Variants in CNOT2 observed in about 807,000 individuals in gnomAD.
CNOT2 encodes the protein CC chemokine receptor 4-negative regulator of transcription 2.
Under a neutral mutation model 72.1 loss-of-function variants are expected in CNOT2, and 7 were observed. The ratio of observed to expected loss-of-function variants is 0.10; its 90% CI spans 0.06 to 0.18. The LOEUF (loss-of-function observed/expected upper bound fraction) is 0.18, where lower values mean the gene tolerates loss of function less well. CNOT2 is among the 10% of genes least tolerant of loss of function. The pLI is 1.00. For synonymous variants in CNOT2, 196 were observed against 225.6 expected, an observed-to-expected ratio of 0.87 and a Z score of 1.17; for missense variants, 345 against 660.3, an observed-to-expected ratio of 0.52 and a Z score of 5.23.
chr12:70,340,312 G>T (rs935825689), intron 11 of CNOT2, among the ~76,000 whole-genome samples: 1 of 152,052 alleles, frequency 6.6e-6, no homozygotes, highest in African/African-American at 2.4e-5. Context: ...TCACTGGTTG[G>T]TCTTTTTCAG....
At chr12:70,281,837 TTAAA>T (rs1182649722) in intron 2 of CNOT2, among the ~76,000 whole-genome samples, 4 of 152,284 alleles carry the variant, frequency 2.6e-5, no homozygotes, top group African/African-American at 9.6e-5. Context: ...CTCATTTAAA[TTAAA>T]TAAATTTAAA....
At chr12:70,277,701 T>C (rs1869087463) in intron 1 of CNOT2, among the ~76,000 whole-genome samples, 1 of 152,212 alleles carries the variant, frequency 6.6e-6, no homozygotes, top group South Asian at 2.1e-4. Flanking sequence ...AACTTGTATT[T>C]CTATCTATCA....
At chr12:70,324,656 C>G (rs924399000) in intron 4 of CNOT2, among the ~76,000 whole-genome samples, 1 of 151,746 alleles carries the variant, frequency 6.6e-6, no homozygotes, top group African/African-American at 2.4e-5. Flanking sequence ...CTCTAAAGAT[C>G]CAGCCAGATG....
chr12:70,310,975 C>T lies in CNOT2; in HGVS notation c.129C>T (p.Tyr43=), dbSNP rs1213344777. The T allele has an allele frequency of 1.3e-6, 2 of 1,598,884 alleles. No individual in the cohort carries two copies. The highest frequency in any genetic ancestry group is 2.7e-5 in the African/African-American group (2 of 74,570). The change falls in exon 3 of 16, where the codon TAC becomes TAT. Residue 43 remains tyrosine, a synonymous_variant. Transcript: ENST00000229195. ...VDSDYHDENM[Y]YSQSSMFPHR... ...GTGACTACCATGACGAAAACATGTACTACAGCCAGTCTTCTATGTTTCCAC... is the reference window on the plus strand; with the variant it reads ...GTGACTACCATGACGAAAACATGTATTACAGCCAGTCTTCTATGTTTCCAC...
chr12:70,303,347 G>A (rs1874484598), intron 2 of CNOT2, among the ~76,000 whole-genome samples: 1 of 152,148 alleles, frequency 6.6e-6, no homozygotes, highest in Admixed American at 6.5e-5. Context: ...TTTTGCAGTG[G>A]CTGGTACCGG....
intron 1 of CNOT2, among the ~76,000 whole-genome samples, chr12:70,270,175 T>A (rs928216265): frequency 1.3e-5 from 2 of 152,178 alleles, no homozygotes; most frequent in African/African-American, 4.8e-5. Flanking sequence ...TGTTTCAAAA[T>A]CTCTGGTAAA....
intron 15 of CNOT2, among the ~76,000 whole-genome samples, chr12:70,350,177 A>T (rs1401203591): frequency 6.6e-6 from 1 of 152,128 alleles, no homozygotes; most frequent in African/African-American, 2.4e-5. Flanking sequence ...TTAAATTTTT[A>T]AAATAATTTC....
intron 4 of CNOT2, chr12:70,321,978 C>G (rs867895507): frequency 1.3e-5 from 2 of 151,558 alleles, no homozygotes; most frequent in African/African-American, 4.8e-5. Flanking sequence ...ACTTTTCATC[C>G]AATAATTCAC....
At chr12:70,300,935 C>T (rs1282067418) in intron 2 of CNOT2, among the ~76,000 whole-genome samples, 2 of 152,178 alleles carry the variant, frequency 1.3e-5, no homozygotes, top group African/African-American at 4.8e-5. Context: ...AGGTCCTTCA[C>T]ATCCCTTGTA....
intron 2 of CNOT2, among the ~76,000 whole-genome samples, chr12:70,284,768 C>T (rs1209784968): frequency 6.6e-6 from 1 of 152,094 alleles, no homozygotes; most frequent in East Asian, 1.9e-4. Context: ...CATCTGAAAT[C>T]ATCAAATAAG....
At chr12:70,293,969 G>A (rs1872408130) in intron 2 of CNOT2, 3 of 299,362 alleles carry the variant, frequency 1.0e-5, no homozygotes, top group South Asian at 2.4e-5. Context: ...TAGTCTGAAA[G>A]ATGAATCTGG....
At chr12:70,314,504 T>G (rs1876988949) in intron 3 of CNOT2, among the ~76,000 whole-genome samples, 1 of 152,170 alleles carries the variant, frequency 6.6e-6, no homozygotes, top group African/African-American at 2.4e-5. Context: ...TTGAAAACCT[T>G]TAAAATGTAA....
chr12:70,298,290 C>A, intron 2 of CNOT2, among the ~76,000 whole-genome samples: 1 of 152,116 alleles, frequency 6.6e-6, no homozygotes, highest in East Asian at 1.9e-4. Context: ...CTCCTCCAAT[C>A]GGCTTTTTAT....
At chr12:70,340,952 G>A (rs1312861817) in intron 11 of CNOT2, among the ~76,000 whole-genome samples, 1 of 139,986 alleles carries the variant, frequency 7.1e-6, no homozygotes, top group Non-Finnish European at 1.5e-5. Context: ...CTGGAGTGCA[G>A]TGATGCAATC....
intron 5 of CNOT2, 91 bp downstream of exon 5, chr12:70,329,661 A>AT (rs1879633012): frequency 1.1e-6 from 1 of 922,252 alleles, no homozygotes. Context: ...TAATTACTTG[A>AT]TTTTCTGGTT....
At position 70,337,529 on chromosome 12, in the gene CNOT2, G is replaced by GT; in HGVS notation, c.900+17dup. The GT allele has an allele frequency of 1.2e-6, 2 of 1,608,808 alleles. No homozygotes were observed. The highest frequency in any genetic ancestry group is 2.2e-5 in the South Asian group (2 of 90,896). On this transcript the variant is annotated intron_variant, in intron 9 of 15. Coordinates refer to ENST00000229195, the MANE Select transcript of CNOT2 (RefSeq NM_014515.7). Reference sequence around the variant, plus strand: ...CAGTAAATCTGTAAGTAACTGAGAAGTGTGTATGTGAGTGATGTAGTTTTT... The same window carrying GT: ...CAGTAAATCTGTAAGTAACTGAGAAGTTGTGTATGTGAGTGATGTAGTTTTT...
At position 70,329,463 on chromosome 12, in the gene CNOT2, C is replaced by A. The variant is rs781426528; in HGVS notation, c.279C>A (p.Thr93=). 1 of 1,611,598 alleles carries A rather than the reference C, an allele frequency of 6.2e-7. No homozygotes were observed. Among genetic ancestry groups the A allele is most frequent in the Admixed American group, 1.7e-5 (1 of 59,790 alleles). ...CAATGAGGGGGATGAGCAACAATAC[C>A]CCTCAGTTAAATCGCAGCTTATCAC... ...GLPMRGMSNN[T]PQLNRSLSQG... Residue 93 remains threonine, a synonymous_variant, in exon 5 of 16, where the codon ACC becomes ACA. Transcript: ENST00000229195.
At chr12:70,280,894 A>G (rs1440329792) in intron 2 of CNOT2, among the ~76,000 whole-genome samples, 1 of 152,210 alleles carries the variant, frequency 6.6e-6, no homozygotes, top group African/African-American at 2.4e-5. Flanking sequence ...TAGTTCAGAT[A>G]AAACAATTTA....
intron 3 of CNOT2, among the ~76,000 whole-genome samples, chr12:70,312,273 G>A (rs1876597466): frequency 6.6e-6 from 1 of 151,772 alleles, no homozygotes; most frequent in Non-Finnish European, 1.5e-5. Flanking sequence ...AAAGAATTTG[G>A]GATATATTTT....
Sources: allele counts gnomAD v4.1 joint callset (sites outside exome capture counted in the v4.1 genomes callset), GRCh38; gene constraint gnomAD v4.1.1; transcripts MANE v1.5; gene names NCBI Gene and HGNC (gene_info 2026-07-23, HGNC 2026-07-21).